SCRIB: variants seen among roughly 807,000 people sequenced by gnomAD.
SCRIB encodes the protein protein scribble homolog.
Under a neutral mutation model 170.0 loss-of-function variants are expected in SCRIB, and 72 were observed. The observed-to-expected ratio is 0.42, with a 90% CI of 0.35 to 0.52. The LOEUF is 0.52. SCRIB is among the 20% of genes least tolerant of loss of function. The probability of loss-of-function intolerance (pLI) is 0.02; values close to 1 mark genes in which losing one functional copy is unlikely to be tolerated. For missense variants in SCRIB, 2,475 were observed against 2,338.5 expected (o/e 1.06, Z -1.20); for synonymous variants, 1,298 against 1,044.3 (o/e 1.24, Z -4.68).
At position 143,813,841 on chromosome 8, in the gene SCRIB, G is replaced by A. The variant is rs893625372; in HGVS notation, c.333C>T (p.Asp111=). 6 of 1,609,840 alleles carry A rather than the reference G, an allele frequency of 3.7e-6. No individual in the cohort carries two copies. The African/African-American group carries it at 5.3e-5, about 14-fold the overall frequency. The change falls in exon 3 of 37, where the codon GAC becomes GAT. Residue 111 remains aspartate (D), a synonymous_variant. Coordinates refer to ENST00000356994, the MANE Select transcript of SCRIB (RefSeq NM_182706.5). ...ACCTGGAGAGGGGGTTCCCGCTGAA[G>A]TCCGCGATCTCCAGAGCCTTGCAGA... is the stretch of plus-strand genomic sequence containing the variant. ...IKFCKALEIA[D]FSGNPLSRLP... is the part of the protein sequence containing the mutation.
chr8:143,812,221 AC>A (rs765086752), intron 9 of SCRIB, 44 bp downstream of exon 9: 9 of 1,254,736 alleles, frequency 7.2e-6, no homozygotes, highest in South Asian at 3.6e-5. Context: ...CTTGTTCTGC[AC>A]CCCCGACGGC....
chr8:143,807,446 G>A (rs1358533245), intron 16 of SCRIB, 106 bp downstream of exon 16: 6 of 923,440 alleles, frequency 6.5e-6, no homozygotes, highest in African/African-American at 6.5e-5. Context: ...GCTCTTTTGA[G>A]AGGGATCTGC....
intron 24 of SCRIB, among the ~76,000 whole-genome samples, chr8:143,799,792 A>G (rs1050198174): frequency 4.1e-5 from 6 of 144,684 alleles, no homozygotes; most frequent in Non-Finnish European, 5.9e-5. Context: ...TCTGACAGAC[A>G]GACGTGGGCC....
intron 1 of SCRIB, 130 bp downstream of exon 1, chr8:143,815,084 G>A: frequency 1.9e-6 from 2 of 1,064,092 alleles, no homozygotes; most frequent in South Asian, 2.0e-5. Context: ...TGGCTGGGGT[G>A]GGGACCTGGC....
chr8:143,812,486 C>T lies in SCRIB; in HGVS notation c.788-102G>A. 4 of 893,480 alleles carry T rather than the reference C, an allele frequency of 4.5e-6. No individual in the cohort carries two copies. In the East Asian group the frequency reaches 7.4e-5, roughly 17 times the overall value. The allele number at this position is 893,480 out of a possible 1,614,324, so 55.3% of individuals were successfully genotyped here. A position where few individuals can be genotyped will look rare whatever the true frequency, so the allele number is the denominator to read the frequency against. Reference sequence around the variant, plus strand: ...TCAAGGCAGACAGCAAGGCCCCCAGCCCCTTCTGCCGCCGCCGTACTTCGG... The same window carrying T: ...TCAAGGCAGACAGCAAGGCCCCCAGTCCCTTCTGCCGCCGCCGTACTTCGG... On this transcript the variant is annotated intron_variant, in intron 8 of 36. Transcript: ENST00000356994.
At chr8:143,800,803 C>G (rs924823243) in intron 24 of SCRIB, among the ~76,000 whole-genome samples, 12 of 152,240 alleles carry the variant, frequency 7.9e-5, no homozygotes, top group African/African-American at 2.9e-4. Context: ...TTGAGCCCGG[C>G]AGGGCGAGCC....
At chr8:143,811,584 C>CA (rs1359676118) in intron 9 of SCRIB, among the ~76,000 whole-genome samples, 5 of 152,160 alleles carry the variant, frequency 3.3e-5, no homozygotes, top group African/African-American at 1.2e-4. Flanking sequence ...CAAAACACCC[C>CA]ACCAGGTCAT....
intron 8 of SCRIB, 43 bp downstream of exon 8, chr8:143,812,774 C>T: frequency 6.3e-7 from 1 of 1,586,244 alleles, no homozygotes; most frequent in East Asian, 2.2e-5. Context: ...CTCCCAGGGC[C>T]AGGCTCCGTG....
chr8:143,812,943 G>A lies in SCRIB; in HGVS notation c.661C>T (p.Arg221Cys), dbSNP rs755936691. 21 of 1,612,616 alleles carry A rather than the reference G, an allele frequency of 1.3e-5. No homozygotes were observed. Among genetic ancestry groups the A allele is most frequent in the African/African-American group, 8.0e-5 (6 of 74,938 alleles). ...TCCGACACGTCCAGGCACACCAGGCGCCGCAGGTTCCCGAGCTCCTGCAGG... is the reference window on the plus strand; with the variant it reads ...TCCGACACGTCCAGGCACACCAGGCACCGCAGGTTCCCGAGCTCCTGCAGG... ...ALPPELGNLR[R>C]LVCLDVSENR... Residue 221 changes from arginine (R) to cysteine (C), a missense_variant, in exon 8 of 37, where the codon CGC becomes TGC. Physicochemically the swap from Arg to Cys is radical, Grantham distance 180 (BLOSUM62 -3). Transcript: ENST00000356994.
chr8:143,792,412 A>C lies in SCRIB; in HGVS notation c.4329-7T>G. On this transcript the variant is annotated splice_polypyrimidine_tract_variant and splice_region_variant and intron_variant, in intron 31 of 36. Coordinates refer to ENST00000356994, the MANE Select transcript of SCRIB (RefSeq NM_182706.5). ...GGGGGACGCCGGGCTCTGCCTGGGG[A>C]AGGGACAGGACGTGCTGTGGGGGGC... The C allele has an allele frequency of 6.7e-7, 1 of 1,500,740 alleles. No homozygotes were observed. The allele number at this position is 1,500,740 out of a possible 1,614,324, so 93.0% of individuals were successfully genotyped here. A position where few individuals can be genotyped will look rare whatever the true frequency, so the allele number is the denominator to read the frequency against.
At position 143,803,495 on chromosome 8, in the gene SCRIB, C is replaced by G; in HGVS notation, c.3491G>C (p.Ser1164Thr). 6.2e-7 allele frequency: 1 copy of G among 1,602,146 alleles called. No homozygotes were observed. The highest frequency in any genetic ancestry group is 1.7e-5 in the Admixed American group (1 of 59,932). Residue 1164 changes from serine (S) to threonine (T), a missense_variant, in exon 24 of 37, where the codon AGC (serine) becomes ACC (threonine). Ser to Thr is a moderately conservative substitution (Grantham distance 58, BLOSUM62 1). Transcript: ENST00000356994. ...CTCGCCGTGCGTCAGGCCCAGCAGG[C>G]TCTGCTGGTTCACCTCCAACAGCCG... is the stretch of plus-strand genomic sequence containing the variant. ...GLRLLEVNQQ[S>T]LLGLTHGEAV...
rs754942991 is a variant in SCRIB at position 143,810,592 on chromosome 8, G to A, written c.1417C>T (p.Arg473Trp). 1.4e-5 allele frequency: 23 copies of A among 1,613,558 alleles called. No homozygotes were observed. The highest frequency in any genetic ancestry group is 4.4e-5 in the South Asian group (4 of 91,074). ...AGCTCGCTGGGGTGAGGTGTGGCCC[G>A]GCGCTGTAGGCCCTGTTGTAGGGAC... ...AAAEKRGLQR[R>W]ATPHPSELKV... Residue 473 changes from arginine (R) to tryptophan (W), a missense_variant, in exon 13 of 37, where the codon CGG becomes TGG. By Grantham distance (101) the Arg-to-Trp change is moderately radical. Around this residue, in one of 3 missense-constraint regions of SCRIB, gnomAD observed 1,966 missense variants for 1,742.9 expected, o/e 1.13. Coordinates refer to ENST00000356994, the MANE Select transcript of SCRIB (RefSeq NM_182706.5).
In SCRIB at chr8:143,813,982, C is replaced by A. The variant is rs753119755; in HGVS notation, c.277+19G>T. 1.3e-6 allele frequency: 2 copies of A among 1,575,670 alleles called. No homozygotes were observed. The highest frequency in any genetic ancestry group is 3.6e-5 in the Admixed American group (2 of 55,216). On this transcript the variant is annotated intron_variant, in intron 2 of 36. Coordinates refer to ENST00000356994, the MANE Select transcript of SCRIB (RefSeq NM_182706.5). ...GGACACTCCCCAGACCCCACCCAGC[C>A]CCTGCCCAGGCTCCCCACCGTTCCG...
chr8:143,811,296 A>G lies in SCRIB; in HGVS notation c.956T>C (p.Val319Ala). 1 of 1,612,834 alleles carries G rather than the reference A, an allele frequency of 6.2e-7. No homozygotes were observed. Residue 319 changes from valine (V) to alanine (A), a missense_variant, in exon 10 of 37, where the codon GTG becomes GCG. Physicochemically the swap from Val to Ala is moderately conservative, Grantham distance 64. Coordinates refer to ENST00000356994, the MANE Select transcript of SCRIB (RefSeq NM_182706.5). Reference sequence around the variant, plus strand: ...CAGCGCCTCGAGGTGGTTCCGGTCCACGTTGAGGTTGGTCAGCTTAGTCAG... The same window carrying G: ...CAGCGCCTCGAGGTGGTTCCGGTCCGCGTTGAGGTTGGTCAGCTTAGTCAG... ...GKLTKLTNLNVDRNHLEALPP... is the reference protein window; with the variant it reads ...GKLTKLTNLNADRNHLEALPP...
At position 143,808,955 on chromosome 8, in the gene SCRIB, T is replaced by A. The variant is rs1161549386; in HGVS notation, c.1769A>T (p.Glu590Val). The change falls in exon 15 of 37, where the codon GAG becomes GTG. Residue 590 changes from glutamate (E) to valine (V), a missense_variant. This residue lies in a region of SCRIB where 1,966 missense variants were observed against 1,742.9 expected (regional missense o/e 1.13). Transcript: ENST00000356994. Reference sequence around the variant, plus strand: ...CCCGCCTGGCAGGGTCCAGGGGGCCTCAGGCTGCCCCTCCTCGATCTCCCT... The same window carrying A: ...CCCGCCTGGCAGGGTCCAGGGGGCCACAGGCTGCCCCTCCTCGATCTCCCT... ...DDREIEEGQP[E>V]APWTLPGGRQ... The A allele has an allele frequency of 6.2e-7, 1 of 1,613,036 alleles. No homozygotes were observed. Among genetic ancestry groups the A allele is most frequent in the Admixed American group, 1.7e-5 (1 of 60,022 alleles).
chr8:143,811,078 G>A lies in SCRIB; in HGVS notation c.1107-6C>T. On this transcript the variant is annotated splice_polypyrimidine_tract_variant and splice_region_variant and intron_variant, in intron 10 of 36. Transcript: ENST00000356994. The stretch of plus-strand genomic sequence containing the variant: ...CGAACGGCAGACTCTGCAGGCTGCG[G>A]GCCGGGCGGGCACAGTCAGCAGGCG... 6.2e-7 allele frequency: 1 copy of A among 1,609,952 alleles called. No homozygotes were observed. Among genetic ancestry groups the A allele is most frequent in the Non-Finnish European group, 8.5e-7 (1 of 1,178,688 alleles).
Position 143,813,700 on chromosome 8 carries a change from C to A in SCRIB, c.383G>T (p.Arg128Leu). The A allele has an allele frequency of 1.2e-6, 2 of 1,613,568 alleles. No homozygotes were observed. The highest frequency in any genetic ancestry group is 1.7e-6 in the Non-Finnish European group (2 of 1,180,012). The change falls in exon 4 of 37, where the codon CGC (arginine) becomes CTC (leucine). Residue 128 changes from arginine (R) to leucine (L), a missense_variant. Transcript: ENST00000356994. ...SRLPDGFTQL[R>L]SLAHLALNDV... Reference sequence around the variant, plus strand: ...ATTCAGGGCCAGGTGAGCCAGGCTGCGCAGCTGAGTGAAGCCATCAGGGAG... The same window carrying A: ...ATTCAGGGCCAGGTGAGCCAGGCTGAGCAGCTGAGTGAAGCCATCAGGGAG...
At chr8:143,806,865 T>C (rs1189769607) in intron 17 of SCRIB, 59 bp downstream of exon 17, 1 of 1,199,326 alleles carries the variant, frequency 8.3e-7, no homozygotes, top group Non-Finnish European at 1.2e-6. Flanking sequence ...GTGCCATCAG[T>C]GTGAACTGTG....
In SCRIB at chr8:143,813,531, AAG is replaced by A. The variant is rs760076220; in HGVS notation, c.447-7_447-6del. ...AGGGTCACCAGGTTGGCGAGGCTGAAAGAGAGACCAGGCGCTGGGGCAAGAGG... is the reference window on the plus strand; with the variant it reads ...AGGGTCACCAGGTTGGCGAGGCTGAAAGAGACCAGGCGCTGGGGCAAGAGG... On this transcript the variant is annotated splice_region_variant and splice_polypyrimidine_tract_variant and intron_variant, in intron 4 of 36. Transcript: ENST00000356994. 4 of 1,613,100 alleles carry A rather than the reference AAG, an allele frequency of 2.5e-6. No homozygotes were observed. The highest frequency in any genetic ancestry group is 1.1e-5 in the South Asian group (1 of 91,084).
Sources: gnomAD v4.1 joint callset for allele counts (sites outside exome capture counted in the v4.1 genomes callset) on GRCh38, gnomAD v4.1.1 for gene constraint, gnomAD v4.1.1 regional missense constraint, MANE v1.5 for transcripts, NCBI Gene and HGNC (gene_info 2026-07-23, HGNC 2026-07-21) for gene names.